CRACDL: variants seen among roughly 807,000 people sequenced by gnomAD.
CRACDL encodes the protein CRACD-like protein.
A neutral mutation model predicts 70.6 loss-of-function variants in CRACDL; 26 were observed. The observed-to-expected ratio is 0.37, with a 90% CI of 0.27 to 0.51. CRACDL has a LOEUF of 0.51. Among genes scored for constraint, CRACDL ranks in the 20% least tolerant of loss-of-function variants. The probability of loss-of-function intolerance (pLI) is 0.94; values close to 1 mark genes in which losing one functional copy is unlikely to be tolerated. For missense variants in CRACDL, 1,283 were observed against 1,376.9 expected (o/e 0.93, Z 1.08); for synonymous variants, 618 against 615.2 (o/e 1.00, Z -0.07).
At chr2:98,920,437 T>G (rs1238457110) in intron 1 of CRACDL, among the ~76,000 whole-genome samples, 2 of 152,132 alleles carry the variant, frequency 1.3e-5, no homozygotes, top group African/African-American at 4.8e-5. Flanking sequence ...TTCCAAAGCC[T>G]TCACTGAGCG....
intron 9 of CRACDL, among the ~76,000 whole-genome samples, chr2:98,795,073 AT>A (rs1703750328): frequency 1.0e-4 from 2 of 20,068 alleles, no homozygotes; most frequent in African/African-American, 2.4e-4. Flanking sequence ...ATATATATAT[AT>A]ATATTTTTTT....
Position 98,923,634 on chromosome 2 carries a change from A to T in CRACDL, c.-11+12304T>A, listed in dbSNP as rs148344913. ...AGAAATGAAATCAATACTAGGTCAC[A>T]TATGTATACAGGCCATTATTTCTCA... On this transcript the variant is annotated intron_variant, in intron 1 of 9. Transcript: ENST00000397899. Among the ~76,000 whole-genome samples the T allele has an allele frequency of 4.5e-3, 684 of 152,364 alleles. 7 individuals are homozygous for T. Among genetic ancestry groups the T allele is most frequent in the African/African-American group, 0.016 (654 of 41,590 alleles).
At chr2:98,866,189 G>A (rs1279583420) in intron 1 of CRACDL, among the ~76,000 whole-genome samples, 1 of 152,196 alleles carries the variant, frequency 6.6e-6, no homozygotes, top group Non-Finnish European at 1.5e-5. Context: ...CAAGAAGGGC[G>A]AGTAAAGGAA....
intron 6 of CRACDL, among the ~76,000 whole-genome samples, chr2:98,824,967 T>C (rs1192739342): frequency 6.6e-6 from 1 of 152,234 alleles, no homozygotes; most frequent in Non-Finnish European, 1.5e-5. Flanking sequence ...CTCTTTAGGA[T>C]GGAGGTCACC....
intron 5 of CRACDL, 64 bp downstream of exon 5, chr2:98,832,284 A>G: frequency 6.3e-7 from 1 of 1,576,474 alleles, no homozygotes; most frequent in South Asian, 1.1e-5. Flanking sequence ...AGGGGATCTC[A>G]GAGCTCCAGC....
chr2:98,870,298 C>T (rs988173725), intron 1 of CRACDL, among the ~76,000 whole-genome samples: 12 of 152,170 alleles, frequency 7.9e-5, no homozygotes, highest in Non-Finnish European at 1.6e-4. Context: ...TGAAAAAGCC[C>T]TAGTTTGCTT....
intron 5 of CRACDL, among the ~76,000 whole-genome samples, chr2:98,827,580 G>A (rs6760422): frequency 0.049 from 7,406 of 152,232 alleles, 310 homozygotes; most frequent in South Asian, 0.18. Context: ...GTGAGCCACC[G>A]CACCCGGCCA....
intron 7 of CRACDL, among the ~76,000 whole-genome samples, chr2:98,801,631 T>C (rs187468340): frequency 1.2e-4 from 19 of 152,346 alleles, no homozygotes; most frequent in African/African-American, 3.6e-4. Flanking sequence ...CCACTGTCTA[T>C]ATCTCTCAGT....
intron 1 of CRACDL, among the ~76,000 whole-genome samples, chr2:98,881,935 C>T (rs551523480): frequency 6.6e-6 from 1 of 152,338 alleles, no homozygotes; most frequent in South Asian, 2.1e-4. Flanking sequence ...GCCTGGACAA[C>T]TGGAGTTCCC....
intron 1 of CRACDL, among the ~76,000 whole-genome samples, chr2:98,895,315 C>T (rs967000718): frequency 2.0e-5 from 3 of 152,090 alleles, no homozygotes; most frequent in Non-Finnish European, 4.4e-5. Context: ...CACAGTTGGG[C>T]AGGTGCTGGG....
chr2:98,898,508 G>A (rs946132867), intron 1 of CRACDL, among the ~76,000 whole-genome samples: 6 of 152,258 alleles, frequency 3.9e-5, no homozygotes, highest in African/African-American at 1.4e-4. Context: ...CACATTACCT[G>A]GTCACAGTGA....
At chr2:98,885,949 T>C (rs565649917) in intron 1 of CRACDL, among the ~76,000 whole-genome samples, 4 of 152,006 alleles carry the variant, frequency 2.6e-5, no homozygotes, top group Non-Finnish European at 5.9e-5. Flanking sequence ...ATGAACTTTG[T>C]CAGAACTCTG....
chr2:98,900,632 G>T (rs780978549), intron 1 of CRACDL, among the ~76,000 whole-genome samples: 1 of 152,126 alleles, frequency 6.6e-6, no homozygotes, highest in Non-Finnish European at 1.5e-5. Flanking sequence ...CGTGCGTGCA[G>T]GTGTGTGTGC....
At chr2:98,915,738 T>C (rs1708648752) in intron 1 of CRACDL, among the ~76,000 whole-genome samples, 1 of 151,958 alleles carries the variant, frequency 6.6e-6, no homozygotes, top group Non-Finnish European at 1.5e-5. Context: ...ACGTGGAAGT[T>C]AGGCAACACC....
chr2:98,795,998 C>G (rs1703801581), intron 9 of CRACDL, 122 bp downstream of exon 9: 1 of 845,730 alleles, frequency 1.2e-6, no homozygotes. Flanking sequence ...TCCGTAAGAG[C>G]TGTGTAGAAA....
At chr2:98,880,546 A>T (rs1707620545) in intron 1 of CRACDL, among the ~76,000 whole-genome samples, 1 of 152,200 alleles carries the variant, frequency 6.6e-6, no homozygotes, top group Non-Finnish European at 1.5e-5. Flanking sequence ...TTCTCTGGGC[A>T]TCCTGAGTCC....
At chr2:98,856,133 C>T (rs1706688664) in intron 1 of CRACDL, among the ~76,000 whole-genome samples, 1 of 152,002 alleles carries the variant, frequency 6.6e-6, no homozygotes, top group Non-Finnish European at 1.5e-5. Context: ...CAAAAATCTT[C>T]AAGTAAGATA....
At position 98,823,807 on chromosome 2, in the gene CRACDL, G is replaced by C. The variant is rs1172404031; in HGVS notation, c.736-270C>G. 6.6e-6 allele frequency among the ~76,000 whole-genome samples: 1 copy of C among 152,230 alleles called. No individual in the cohort carries two copies. Among genetic ancestry groups the C allele is most frequent in the Non-Finnish European group, 1.5e-5 (1 of 68,048 alleles). On this transcript the variant is annotated intron_variant, in intron 6 of 9. Coordinates refer to ENST00000397899, the MANE Select transcript of CRACDL (RefSeq NM_207362.3). The surrounding 1 kb of genome is among the most constrained non-coding windows in gnomAD (Gnocchi z 4.0). ...AGAGCCTCAAAACCAGTGGACTAGA[G>C]TAACGCCAAGGGAAGGCGACCAACA...
At chr2:98,925,710 G>C (rs1708894587) in intron 1 of CRACDL, among the ~76,000 whole-genome samples, 1 of 152,112 alleles carries the variant, frequency 6.6e-6, no homozygotes, top group Non-Finnish European at 1.5e-5. Context: ...ACTTTGCTAA[G>C]CCTGGGTCTT....
Sources: gnomAD v4.1 joint callset for allele counts (sites outside exome capture counted in the v4.1 genomes callset) on GRCh38, gnomAD v4.1.1 for gene constraint, Gnocchi (gnomAD v3.1) non-coding constraint, MANE v1.5 for transcripts, NCBI Gene and HGNC (gene_info 2026-07-23, HGNC 2026-07-21) for gene names.